MADD: variants seen among roughly 807,000 people sequenced by gnomAD.
The protein encoded by MADD is MAP kinase-activating death domain protein.
A neutral mutation model predicts 176.7 loss-of-function variants in MADD; 109 were observed. The ratio of observed to expected loss-of-function variants is 0.62; its 90% CI spans 0.53 to 0.72. MADD has a LOEUF of 0.72. Among genes scored for constraint, MADD ranks in the 30% least tolerant of loss-of-function variants. The pLI is 0.00. For missense variants in MADD, 1,914 were observed against 2,045.5 expected (o/e 0.94, Z 1.24); for synonymous variants, 771 against 771.3 (o/e 1.00, Z 0.01).
At chr11:47,328,520 C>A in intron 31 of MADD, 138 bp from the exon 36 acceptor site, 2 of 1,520,150 alleles carry the variant, frequency 1.3e-6, no homozygotes, top group Non-Finnish European at 8.8e-7. Flanking sequence ...CCTGTCATAG[C>A]CTAAGCTGCT....
chr11:47,272,498 T>C (rs1965856536), intron 1 of MADD, among the ~76,000 whole-genome samples: 4 of 152,152 alleles, frequency 2.6e-5, no homozygotes, highest in Admixed American at 2.6e-4. Context: ...TATACGATAA[T>C]GGGTTTCTCT....
chr11:47,287,939 C>T (rs1300269961), intron 15 of MADD, among the ~76,000 whole-genome samples: 2 of 151,858 alleles, frequency 1.3e-5, no homozygotes, highest in Non-Finnish European at 2.9e-5. Flanking sequence ...AGGAGCCTGC[C>T]ACCACGCCTG....
chr11:47,270,199 G>C (rs1239792748), exon 1 of MADD: 1 of 152,178 alleles, frequency 6.6e-6, no homozygotes, highest in African/African-American at 2.4e-5. Flanking sequence ...ACGCCCCGCT[G>C]CCGGGGGACG....
chr11:47,280,427 T>C (rs2055328474), intron 7 of MADD, among the ~76,000 whole-genome samples: 1 of 152,076 alleles, frequency 6.6e-6, no homozygotes, highest in Non-Finnish European at 1.5e-5. Context: ...TACTGCAGAG[T>C]CTAGTGGGAA....
At chr11:47,305,630 T>C (rs528245339) in intron 22 of MADD, among the ~76,000 whole-genome samples, 162 of 151,912 alleles carry the variant, frequency 1.1e-3, no homozygotes, top group African/African-American at 3.8e-3. Context: ...TCCTAGACTC[T>C]GTGAAGCCAA....
upstream of MADD, chr11:47,269,662 C>G (rs976822965): frequency 6.6e-6 from 1 of 151,482 alleles, no homozygotes; most frequent in Non-Finnish European, 1.5e-5. Context: ...CGGCCGCGCG[C>G]CCCCCTCTGC....
intron 27 of MADD, among the ~76,000 whole-genome samples, chr11:47,318,479 A>G (rs1378344444): frequency 3.3e-5 from 5 of 152,220 alleles, no homozygotes; most frequent in Non-Finnish European, 5.9e-5. Flanking sequence ...GACTTAGGAC[A>G]TCTGCACCAC....
chr11:47,284,629 A>G (rs1188407763), intron 12 of MADD, 64 bp downstream of exon 12: 4 of 1,555,394 alleles, frequency 2.6e-6, no homozygotes, highest in Non-Finnish European at 3.5e-6. Context: ...TCTATTAGGA[A>G]AGCCAGGCTG....
exon 12 of MADD, chr11:47,284,399 C>A: frequency 6.2e-7 from 1 of 1,614,162 alleles, no homozygotes; most frequent in Non-Finnish European, 8.5e-7. Context: ...ACACATGCAG[C>A]ACTGGGGGAT....
intron 1 of MADD, among the ~76,000 whole-genome samples, chr11:47,272,873 A>G (rs558476803): frequency 6.6e-6 from 1 of 152,156 alleles, no homozygotes; most frequent in African/African-American, 2.4e-5. Flanking sequence ...CTGAGATCAA[A>G]ATAGAGGAGA....
At chr11:47,274,195 T>C (rs1226054498) in intron 2 of MADD, among the ~76,000 whole-genome samples, 2 of 152,346 alleles carry the variant, frequency 1.3e-5, no homozygotes, top group East Asian at 3.9e-4. Context: ...CGAGCAAATA[T>C]ACTCTTTATA....
intron 15 of MADD, among the ~76,000 whole-genome samples, chr11:47,286,948 A>G (rs56886689): frequency 0.11 from 16,810 of 152,144 alleles, 1,079 homozygotes; most frequent in South Asian, 0.23. Context: ...ACAGCCTCTC[A>G]CCTCTCACGC....
Position 47,289,395 on chromosome 11 carries a change from C to T in MADD, c.2658C>T (p.Asn886=), listed in dbSNP as rs151285571. The T allele has an allele frequency of 4.3e-6, 7 of 1,613,402 alleles. No individual in the cohort carries two copies. In the African/African-American group the frequency reaches 5.3e-5, roughly 12 times the overall value. The change falls in exon 16 of 33, where the codon AAC becomes AAT. Residue 886 remains asparagine, a synonymous_variant. Coordinates refer to ENST00000402192, the Ensembl canonical transcript of MADD. ...TTCCTGCCTTCCCTGCCACAGGAAA[C>T]AGGAGGGCGTTAGTGGATCAGAAGT...
At chr11:47,312,027 G>A (rs1001635296) in intron 26 of MADD, among the ~76,000 whole-genome samples, 185 bp downstream of exon 29, 1 of 152,196 alleles carries the variant, frequency 6.6e-6, no homozygotes, top group Non-Finnish European at 1.5e-5. Flanking sequence ...CAGTTTTGAT[G>A]TGTGGTCTGT....
intron 22 of MADD, among the ~76,000 whole-genome samples, chr11:47,303,096 A>G (rs1166725696): frequency 6.6e-6 from 1 of 152,040 alleles, no homozygotes; most frequent in East Asian, 1.9e-4. Context: ...TTTGCTGGGT[A>G]TAGTATTCTT....
At chr11:47,290,725 A>G (rs762646773) in exon 19 of MADD, 2 of 1,614,058 alleles carry the variant, frequency 1.2e-6, no homozygotes, top group Non-Finnish European at 8.5e-7. Context: ...GAGTTCCACA[A>G]CTGGGACCTC....
intron 17 of MADD, 41 bp from the exon 19 acceptor site, chr11:47,290,108 C>G: frequency 6.2e-7 from 1 of 1,612,604 alleles, no homozygotes. Context: ...GTGAACACCA[C>G]AGGCAATTTG....
intron 27 of MADD, among the ~76,000 whole-genome samples, chr11:47,321,113 A>T (rs2094403673): frequency 6.6e-6 from 1 of 152,212 alleles, no homozygotes; most frequent in Non-Finnish European, 1.5e-5. Context: ...CACCTCCAAC[A>T]GCCACTTAGA....
chr11:47,324,490 G>C (rs763297957), exon 30 of MADD: 1 of 1,613,920 alleles, frequency 6.2e-7, no homozygotes, highest in South Asian at 1.1e-5. Flanking sequence ...TGGGTGGCGA[G>C]TTCCCTGTGC....
Sources: gnomAD v4.1 joint callset for allele counts (sites outside exome capture counted in the v4.1 genomes callset) on GRCh38, gnomAD v4.1.1 for gene constraint, MANE v1.5 for transcripts, NCBI Gene and HGNC (gene_info 2026-07-23, HGNC 2026-07-21) for gene names.